The following CUBN variants were observed in gnomAD, a reference collection of about 807,000 sequenced individuals.
CUBN encodes 460 kDa receptor.
A neutral mutation model predicts 405.3 loss-of-function variants in CUBN; 282 were observed. That is an observed-to-expected ratio of 0.70 (90% CI 0.63 to 0.77). The LOEUF (loss-of-function observed/expected upper bound fraction) is 0.77. Among genes scored for constraint, CUBN ranks in the 30% least tolerant of loss-of-function variants. The pLI is 0.00. For synonymous variants in CUBN, 1,684 were observed against 1,617.0 expected (o/e 1.04, Z -0.99); for missense variants, 4,514 against 4,475.2 (o/e 1.01, Z -0.25).
chr10:16,869,596 A>C, intron 59 of CUBN, 40 bp downstream of exon 59: 2 of 1,378,684 alleles, frequency 1.5e-6, no homozygotes, highest in Non-Finnish European at 2.1e-6. Flanking sequence ...CAGAAAGGTA[A>C]CAGTCCTGAC....
At chr10:16,920,188 G>A (rs766617444) in intron 43 of CUBN, 51 bp from the exon 44 acceptor site, 1 of 1,559,640 alleles carries the variant, frequency 6.4e-7, no homozygotes, top group South Asian at 1.1e-5. Context: ...AGGGGATGCA[G>A]TCAATGGCCA....
intron 15 of CUBN, among the ~76,000 whole-genome samples, chr10:17,086,815 T>A (rs1041893621): frequency 1.3e-5 from 2 of 152,174 alleles, no homozygotes; most frequent in African/African-American, 4.8e-5. Flanking sequence ...AATACTGTAG[T>A]TTAAAGAGAA....
Position 16,835,188 on chromosome 10 carries a change from GT to G in CUBN, c.10187del (p.Asn3396ThrfsTer11), listed in dbSNP as rs1337613546. On this transcript the variant is annotated frameshift_variant, in exon 64 of 67. Transcript: ENST00000377833. LOFTEE classifies it high-confidence loss of function. ...MSFTYQIADCNRDYHKAFGNL... is the reference protein window; with the variant it reads ...MSFTYQIADCXRDYHKAFGNL... ...TGCCAAATGCCTTGTGATAGTCTCT[GT>G]TGCAATCTTAGAGGAAAAATAGGCA... is the stretch of plus-strand genomic sequence containing the variant. 1 of 1,613,454 alleles carries G rather than the reference GT, an allele frequency of 6.2e-7. No homozygotes were observed. Among genetic ancestry groups the G allele is most frequent in the East Asian group, 2.2e-5 (1 of 44,880 alleles).
chr10:17,025,642 T>C (rs1442551776), intron 27 of CUBN, among the ~76,000 whole-genome samples: 1 of 152,030 alleles, frequency 6.6e-6, no homozygotes, highest in African/African-American at 2.4e-5. Context: ...CCAAAATAGC[T>C]ATGAGAAAAG....
chr10:17,124,391 T>G (rs985919137), intron 4 of CUBN, among the ~76,000 whole-genome samples: 5 of 152,064 alleles, frequency 3.3e-5, no homozygotes, highest in African/African-American at 7.3e-5. Flanking sequence ...CAGAGAAAAC[T>G]TCTTTTTTTT....
intron 22 of CUBN, among the ~76,000 whole-genome samples, chr10:17,064,798 G>A (rs12241448): frequency 0.046 from 6,929 of 151,966 alleles, 526 homozygotes; most frequent in African/African-American, 0.16. Context: ...ATTTGCAAAG[G>A]GCATAGTAAT....
chr10:17,063,328 G>A (rs764901783), intron 22 of CUBN, among the ~76,000 whole-genome samples: 1 of 152,158 alleles, frequency 6.6e-6, no homozygotes, highest in East Asian at 1.9e-4. Flanking sequence ...GTGACCAGCC[G>A]GGCTCAGCCC....
At chr10:16,986,175 A>G (rs1274296549) in intron 29 of CUBN, among the ~76,000 whole-genome samples, 1 of 152,198 alleles carries the variant, frequency 6.6e-6, no homozygotes, top group African/African-American at 2.4e-5. Context: ...GACCTTCATA[A>G]CTGCAACTGC....
rs1445627122 is a variant in CUBN at position 16,925,640 on chromosome 10, G to A, written c.6406C>T (p.Gln2136Ter). ...SGLTIAVHFEQPFQIPNGDSS... is the reference protein window; with the variant it reads ...SGLTIAVHFE ...TCTCCATTTGGAATCTGGAAAGGCT[G>A]TTCAAAATGGACAGCAATGGTCAGG... is the stretch of plus-strand genomic sequence containing the variant. Residue 2136 changes from glutamine to a stop codon, truncating the protein, a stop_gained, in exon 42 of 67, where the codon CAG becomes TAG. Coordinates refer to ENST00000377833, the MANE Select transcript of CUBN (RefSeq NM_001081.4). LOFTEE classifies it high-confidence loss of function. 1.2e-6 allele frequency: 2 copies of A among 1,613,960 alleles called. No individual in the cohort carries two copies. The highest frequency in any genetic ancestry group is 1.7e-6 in the Non-Finnish European group (2 of 1,179,984).
chr10:16,922,730 A>C (rs562680602), intron 43 of CUBN, among the ~76,000 whole-genome samples: 1 of 152,136 alleles, frequency 6.6e-6, no homozygotes, highest in East Asian at 1.9e-4. Flanking sequence ...TTTATCACTG[A>C]TGGGCAAATC....
chr10:17,094,018 A>T (rs1201858765), intron 14 of CUBN, among the ~76,000 whole-genome samples: 2 of 152,100 alleles, frequency 1.3e-5, no homozygotes. Context: ...TATTGGCTGA[A>T]ATTTCTCAAA....
chr10:17,097,928 C>T (rs952081643), intron 14 of CUBN, among the ~76,000 whole-genome samples: 6 of 151,936 alleles, frequency 3.9e-5, no homozygotes, highest in African/African-American at 1.5e-4. Context: ...GCCTATGTCC[C>T]CTCGCCTTGA....
chr10:17,037,721 G>C (rs934880090), intron 27 of CUBN, among the ~76,000 whole-genome samples: 2 of 152,190 alleles, frequency 1.3e-5, no homozygotes, highest in Non-Finnish European at 2.9e-5. Flanking sequence ...TTGGAGAAAA[G>C]AAGCCATCAC....
At chr10:16,928,524 A>G (rs376516470) in intron 40 of CUBN, among the ~76,000 whole-genome samples, 2 of 99,688 alleles carry the variant, frequency 2.0e-5, no homozygotes, top group East Asian at 2.9e-4. Context: ...ACCCCACCCC[A>G]CCCCCCCCTT....
At chr10:17,086,878 C>A (rs1836121933) in intron 15 of CUBN, among the ~76,000 whole-genome samples, 1 of 152,148 alleles carries the variant, frequency 6.6e-6, no homozygotes, top group Non-Finnish European at 1.5e-5. Context: ...ACCATATGGT[C>A]TCCAGAAATG....
chr10:17,008,463 T>TGTGTGC lies in CUBN; in HGVS notation c.4168+11369_4168+11370insGCACAC, dbSNP rs1320524546. ...GTGTGTGTGTGTGTGTGTGTGTGTGTGCGCGCTTAGCCACATTATGTGCTT... is the reference window on the plus strand; with the variant it reads ...GTGTGTGTGTGTGTGTGTGTGTGTGTGTGTGCGCGCGCTTAGCCACATTATGTGCTT... On this transcript the variant is annotated intron_variant, in intron 28 of 66. Transcript: ENST00000377833. 2.4e-3 allele frequency among the ~76,000 whole-genome samples: 350 copies of TGTGTGC among 145,640 alleles called. 1 individual carries two copies. Among genetic ancestry groups the TGTGTGC allele is most frequent in the Middle Eastern group, 7.1e-3 (2 of 282 alleles).
At chr10:16,981,253 G>C (rs1388455790) in intron 31 of CUBN, among the ~76,000 whole-genome samples, 3 of 151,536 alleles carry the variant, frequency 2.0e-5, no homozygotes, top group African/African-American at 7.3e-5. Flanking sequence ...GCTGGACATC[G>C]GAGACTATGG....
chr10:17,049,612 C>A (rs573098799), intron 22 of CUBN, among the ~76,000 whole-genome samples: 1 of 152,222 alleles, frequency 6.6e-6, no homozygotes, highest in African/African-American at 2.4e-5. Context: ...GATTTACTCA[C>A]CAAGCTTCTT....
chr10:17,038,187 T>A (rs1834939462), intron 27 of CUBN, among the ~76,000 whole-genome samples: 1 of 152,218 alleles, frequency 6.6e-6, no homozygotes, highest in African/African-American at 2.4e-5. Flanking sequence ...GGGCTTCCTA[T>A]ACATCTCCAT....
Sources: allele counts gnomAD v4.1 joint callset (sites outside exome capture counted in the v4.1 genomes callset), GRCh38; gene constraint gnomAD v4.1.1; transcripts MANE v1.5; gene names NCBI Gene and HGNC (gene_info 2026-07-23, HGNC 2026-07-21).